The following ZNF260 variants were observed in gnomAD, a reference collection of about 807,000 sequenced individuals.
The protein encoded by ZNF260 is zinc finger protein 260.
Under a neutral mutation model 29.3 loss-of-function variants are expected in ZNF260, and 21 were observed. The ratio of observed to expected loss-of-function variants is 0.72; its 90% CI spans 0.51 to 1.03. ZNF260 has a LOEUF of 1.03. Among genes scored for constraint, ZNF260 ranks in the 50% least tolerant of loss-of-function variants. The pLI is 0.00. For synonymous variants in ZNF260, 156 were observed against 156.8 expected (o/e 0.99, Z 0.04); for missense variants, 465 against 487.8 (o/e 0.95, Z 0.44).
Position 36,513,753 on chromosome 19 carries a change from A to ATG in ZNF260, c.*246_*247insCA, listed in dbSNP as rs2034490569. The ATG allele has an allele frequency of 2.3e-5, 12 of 532,244 alleles. No individual in the cohort carries two copies. The highest frequency in any genetic ancestry group is 1.5e-4 in the African/African-American group (8 of 53,392). 33.0% of individuals were successfully genotyped at this position (532,244 alleles called of 1,614,324 possible). On this transcript the variant is annotated 3_prime_UTR_variant, in exon 3 of 3. Coordinates refer to ENST00000523638, the MANE Select transcript of ZNF260 (RefSeq NM_001166037.2). ...AACACATTAAGTAGTGTCCATGACTAGATCCTAACTTTAATGAGTATACTC... is the reference window on the plus strand; with the variant it reads ...AACACATTAAGTAGTGTCCATGACTATGGATCCTAACTTTAATGAGTATACTC...
chr19:36,523,668 C>T (rs973756229), intron 2 of ZNF260, among the ~76,000 whole-genome samples: 1 of 150,592 alleles, frequency 6.6e-6, no homozygotes, highest in African/African-American at 2.4e-5. Flanking sequence ...ACCTCCGCCT[C>T]CCAGGTTCAA....
intron 2 of ZNF260, among the ~76,000 whole-genome samples, chr19:36,515,991 C>A (rs947877782): frequency 3.9e-5 from 6 of 152,144 alleles, no homozygotes; most frequent in Middle Eastern, 3.4e-3. Context: ...CCTGCCTCAG[C>A]CTCCCGAGTA....
rs774457374 is a variant in ZNF260, at chr19:36,515,091, T to C, written c.148A>G (p.Thr50Ala). ...GTGCATTCATGAGATTTCTCTCCAG[T>C]ATGCATTTTCTTATGCTCTACAAGG... ...QNLVEHKKMH[T>A]GEKSHECTEC... is the part of the protein sequence containing the mutation. Residue 50 changes from threonine (T) to alanine (A), a missense_variant, in exon 3 of 3, where the codon ACT becomes GCT. By Grantham distance (58) the Thr-to-Ala change is moderately conservative (BLOSUM62 0). Transcript: ENST00000523638. The C allele has an allele frequency of 1.9e-6, 3 of 1,614,144 alleles. No homozygotes were observed. The highest frequency in any genetic ancestry group is 1.3e-5 in the African/African-American group (1 of 75,066).
At chr19:36,517,434 A>C (rs909937993) in intron 2 of ZNF260, 2 of 152,220 alleles carry the variant, frequency 1.3e-5, no homozygotes, top group African/African-American at 4.8e-5. Flanking sequence ...GAAAGAAAGC[A>C]AATAGAGAAC....
At chr19:36,527,532 C>G (rs1166223449) in intron 1 of ZNF260, among the ~76,000 whole-genome samples, 2 of 152,142 alleles carry the variant, frequency 1.3e-5, no homozygotes, top group Non-Finnish European at 2.9e-5. Context: ...CCCTCACTGA[C>G]GAACTAGGGA....
chr19:36,524,155 T>C (rs2034689289), intron 2 of ZNF260, among the ~76,000 whole-genome samples: 1 of 152,026 alleles, frequency 6.6e-6, no homozygotes, highest in African/African-American at 2.4e-5. Context: ...TAGTTATACA[T>C]AGAATGATTA....
Position 36,515,028 on chromosome 19 carries a change from T to TAAG in ZNF260, c.208_210dup (p.Leu70dup). On this transcript the variant is annotated inframe_insertion, in exon 3 of 3. Transcript: ENST00000523638. ...CCTGTGTGACTTCTAAGGTGTAGAG[T>TAAG]AAGAGATGAGACTCGAGAGCACACT... 6.2e-7 allele frequency: 1 copy of TAAG among 1,614,100 alleles called. No individual in the cohort carries two copies. The highest frequency in any genetic ancestry group is 1.3e-5 in the African/African-American group (1 of 75,050).
intron 2 of ZNF260, among the ~76,000 whole-genome samples, chr19:36,519,540 T>C (rs2034606826): frequency 6.6e-6 from 1 of 152,004 alleles, no homozygotes; most frequent in African/African-American, 2.4e-5. Context: ...AAAAGAAAAA[T>C]GTATACACAT....
chr19:36,513,666 C>G lies in ZNF260; in HGVS notation c.*334G>C, dbSNP rs1169751668. The G allele has an allele frequency of 2.4e-6, 1 of 414,952 alleles. No homozygotes were observed. The highest frequency in any genetic ancestry group is 4.3e-6 in the Non-Finnish European group (1 of 233,852). The allele number at this position is 414,952 out of a possible 1,614,324, so 25.7% of individuals were successfully genotyped here. On this transcript the variant is annotated 3_prime_UTR_variant, in exon 3 of 3. Coordinates refer to ENST00000523638, the MANE Select transcript of ZNF260 (RefSeq NM_001166037.2). ...CATCACAAAAATGATAATTTTGTCT[C>G]TTAATTTCAAATCCTCATACATCTC...
intron 2 of ZNF260, among the ~76,000 whole-genome samples, chr19:36,523,561 A>G (rs1283355092): frequency 6.6e-6 from 1 of 151,788 alleles, no homozygotes; most frequent in African/African-American, 2.4e-5. Context: ...AAATTTTGAT[A>G]ATAATAGTAT....
At position 36,515,202 on chromosome 19, in the gene ZNF260, C is replaced by T; in HGVS notation, c.37G>A (p.Asp13Asn). 1.3e-6 allele frequency: 2 copies of T among 1,595,456 alleles called. No homozygotes were observed. The highest frequency in any genetic ancestry group is 1.3e-5 in the African/African-American group (1 of 74,366). Residue 13 changes from aspartate to asparagine, a missense_variant, in exon 3 of 3, where the codon GAT becomes AAT. By Grantham distance (23) the Asp-to-Asn change is conservative. Transcript: ENST00000523638. ...GMLESLQHES[D>N]LLQHDQIHTG... is the part of the protein sequence containing the mutation. ...TGAATTTGATCATGCTGAAGGAGAT[C>T]TGATTCATGCTGAAGACTTTCCAAC... is the stretch of plus-strand genomic sequence containing the variant.
intron 2 of ZNF260, among the ~76,000 whole-genome samples, chr19:36,516,020 C>T (rs780448937): frequency 3.9e-5 from 6 of 151,916 alleles, no homozygotes; most frequent in Middle Eastern, 3.4e-3. Context: ...TACAGGAGCC[C>T]GCCACCATGC....
rs1382291678 is a variant in ZNF260, at chr19:36,511,635, G to C, written c.*2365C>G. 6.9e-6 allele frequency: 1 copy of C among 144,180 alleles called. No individual in the cohort carries two copies. The highest frequency in any genetic ancestry group is 1.5e-5 in the Non-Finnish European group (1 of 66,232). 8.9% of individuals were successfully genotyped at this position (144,180 alleles called of 1,614,324 possible). A position where few individuals can be genotyped will look rare whatever the true frequency, so the allele number is the denominator to read the frequency against. ...CATTGCACTGCAGCCTGGGCAACAA[G>C]AACAAAACTCCGTCTCAAAAAAAAA... On this transcript the variant is annotated 3_prime_UTR_variant, in exon 3 of 3. Transcript: ENST00000523638.
rs1267886871 is a variant in ZNF260 at position 36,514,770 on chromosome 19, T to C, written c.469A>G (p.Ile157Val). ...TCAAATGGTTTTTCTCCAGTATGAA[T>C]TTTCTCATGCTCAGTGAGATATGCT... ...GKAYLTEHEK[I>V]HTGEKPFECN... Residue 157 changes from isoleucine (I) to valine (V), a missense_variant, in exon 3 of 3, where the codon ATT (isoleucine) becomes GTT (valine). Ile to Val is a conservative substitution (Grantham distance 29). Coordinates refer to ENST00000523638, the MANE Select transcript of ZNF260 (RefSeq NM_001166037.2). 1.2e-6 allele frequency: 2 copies of C among 1,613,678 alleles called. No individual in the cohort carries two copies. Among genetic ancestry groups the C allele is most frequent in the Non-Finnish European group, 1.7e-6 (2 of 1,180,032 alleles).
rs1207307532 is a variant in ZNF260 at position 36,515,997 on chromosome 19, G to A, written c.-461-298C>T. On this transcript the variant is annotated intron_variant, in intron 2 of 2. Coordinates refer to ENST00000523638, the MANE Select transcript of ZNF260 (RefSeq NM_001166037.2). ...AGCAATTCTCCTGCCTCAGCCTCCC[G>A]AGTAGCTGGGACTACAGGAGCCCGC... 3.3e-5 allele frequency among the ~76,000 whole-genome samples: 5 copies of A among 151,530 alleles called. No individual in the cohort carries two copies. The East Asian group carries it at 7.8e-4, about 24-fold the overall frequency.
At chr19:36,521,268 G>A (rs2034641113) in intron 2 of ZNF260, among the ~76,000 whole-genome samples, 1 of 152,190 alleles carries the variant, frequency 6.6e-6, no homozygotes, top group Non-Finnish European at 1.5e-5. Flanking sequence ...CAGGACTTAT[G>A]CTACTATATT....
chr19:36,514,578 C>A lies in ZNF260; in HGVS notation c.661G>T (p.Glu221Ter). ...QRIHTGEKPY[E>*]CKGCGKAFIQ... ...AAAGCTTTCCCACACCCTTTACATT[C>A]ATAAGGTTTCTCTCCAGTATGGATT... The change falls in exon 3 of 3, where the codon GAA (glutamate) becomes TAA (stop). Residue 221 changes from glutamate to a stop codon, truncating the protein, a stop_gained. Transcript: ENST00000523638. LOFTEE classifies it high-confidence loss of function. 2.5e-6 allele frequency: 4 copies of A among 1,614,020 alleles called. No homozygotes were observed. Among genetic ancestry groups the A allele is most frequent in the Non-Finnish European group, 3.4e-6 (4 of 1,179,984 alleles).
chr19:36,521,080 CA>C (rs767618733), intron 2 of ZNF260, among the ~76,000 whole-genome samples: 4,935 of 108,412 alleles, frequency 0.046, 91 homozygotes, highest in Admixed American at 0.1. Context: ...GACCTTGTCT[CA>C]AAAAAAAAAA....
rs1199321497 is a variant in ZNF260, at chr19:36,511,151, A to G, written c.*2849T>C. 6.6e-6 allele frequency: 1 copy of G among 152,198 alleles called. No individual in the cohort carries two copies. Among genetic ancestry groups the G allele is most frequent in the Non-Finnish European group, 1.5e-5 (1 of 68,042 alleles). 9.4% of individuals were successfully genotyped at this position (152,198 alleles called of 1,614,324 possible). On this transcript the variant is annotated 3_prime_UTR_variant, in exon 3 of 3. Coordinates refer to ENST00000523638, the MANE Select transcript of ZNF260 (RefSeq NM_001166037.2). ...TAGTAAGTGCTACAGTAATATTAAC[A>G]TTATATTGAGTTTAAAAGAAATTAA...
Sources: allele counts gnomAD v4.1 joint callset (sites outside exome capture counted in the v4.1 genomes callset), GRCh38; gene constraint gnomAD v4.1.1; transcripts MANE v1.5; gene names NCBI Gene and HGNC (gene_info 2026-07-23, HGNC 2026-07-21).